The following ANKRD45 variants were observed in gnomAD, a reference collection of about 807,000 sequenced individuals.
ANKRD45 encodes the protein ankyrin repeat domain 45.
Under a neutral mutation model 28.1 loss-of-function variants are expected in ANKRD45, and 21 were observed. The observed-to-expected ratio is 0.75, with a 90% CI of 0.53 to 1.08. The LOEUF is 1.08. Ranked by LOEUF, ANKRD45 falls within the 50% of genes least tolerant of loss-of-function variation. ANKRD45 has a pLI of 0.00. For missense variants in ANKRD45, 261 were observed against 308.7 expected (o/e 0.85, Z 1.16); for synonymous variants, 86 against 103.9 (o/e 0.83, Z 1.05).
At chr1:173,664,523 A>T (rs1669924366) in intron 1 of ANKRD45, among the ~76,000 whole-genome samples, 2 of 152,162 alleles carry the variant, frequency 1.3e-5, no homozygotes, top group Non-Finnish European at 2.9e-5. Context: ...CATCTCCTAC[A>T]TTCCAACTAC....
the ANKRD45 span, among the ~76,000 whole-genome samples, chr1:173,678,632 C>T: frequency 6.6e-6 from 1 of 152,164 alleles, no homozygotes; most frequent in South Asian, 2.1e-4. Context: ...AAACTGGAAG[C>T]ATTCCCTTTG....
chr1:173,670,187 G>C (rs1670208409), upstream of ANKRD45, among the ~76,000 whole-genome samples: 1 of 152,158 alleles, frequency 6.6e-6, no homozygotes, highest in Non-Finnish European at 1.5e-5. Context: ...CTAGTTATTG[G>C]ATATCTTTCT....
At position 173,610,210 on chromosome 1, in the gene ANKRD45, C is replaced by T; in HGVS notation, c.736G>A (p.Val246Met). The T allele has an allele frequency of 6.2e-7, 1 of 1,613,936 alleles. No homozygotes were observed. Among genetic ancestry groups the T allele is most frequent in the Non-Finnish European group, 8.5e-7 (1 of 1,179,824 alleles). The change falls in exon 6 of 6, where the codon GTG becomes ATG. Residue 246 changes from valine (V) to methionine (M), a missense_variant. By Grantham distance (21) the Val-to-Met change is conservative. Coordinates refer to ENST00000333279, the MANE Select transcript of ANKRD45 (RefSeq NM_198493.3). ...IFTKMTTPCQ[V>M]KSAKSVTSHD... ...CTTGTTACAGATTTGGCACTTTTCACTTGACCTGAAAGGAAACAGATTTTA... is the reference window on the plus strand; with the variant it reads ...CTTGTTACAGATTTGGCACTTTTCATTTGACCTGAAAGGAAACAGATTTTA...
chr1:173,623,795 C>T (rs1166826517), intron 5 of ANKRD45, among the ~76,000 whole-genome samples: 1 of 152,026 alleles, frequency 6.6e-6, no homozygotes, highest in Non-Finnish European at 1.5e-5. Flanking sequence ...AGGAACGAGA[C>T]CATGTCCATT....
chr1:173,612,274 AGG>A (rs1211739644), intron 5 of ANKRD45, among the ~76,000 whole-genome samples: 4 of 138,252 alleles, frequency 2.9e-5, no homozygotes, highest in Admixed American at 2.7e-4. Context: ...AAAGAGAGAG[AGG>A]GAGGAAGGAA....
chr1:173,682,543 G>T, the ANKRD45 span, among the ~76,000 whole-genome samples: 1 of 151,972 alleles, frequency 6.6e-6, no homozygotes, highest in Admixed American at 6.6e-5. Context: ...GCAGCAGAGG[G>T]TGCAAGAGAA....
chr1:173,704,555 G>A, the ANKRD45 span, among the ~76,000 whole-genome samples: 2 of 152,114 alleles, frequency 1.3e-5, no homozygotes, highest in African/African-American at 4.8e-5. Context: ...TCAAACATCT[G>A]ATCCACTGAA....
At chr1:173,632,698 A>G (rs1668247503) in intron 3 of ANKRD45, among the ~76,000 whole-genome samples, 1 of 152,148 alleles carries the variant, frequency 6.6e-6, no homozygotes, top group Non-Finnish European at 1.5e-5. Flanking sequence ...CCAAGGATGC[A>G]AGGATGTTTC....
chr1:173,628,930 C>T (rs552538456), intron 3 of ANKRD45, among the ~76,000 whole-genome samples: 23 of 152,228 alleles, frequency 1.5e-4, no homozygotes, highest in African/African-American at 4.6e-4. Context: ...GGCAGCTCAG[C>T]ACAGAGAGAG....
the ANKRD45 span, among the ~76,000 whole-genome samples, chr1:173,682,842 C>T: frequency 6.6e-6 from 1 of 152,146 alleles, no homozygotes; most frequent in Non-Finnish European, 1.5e-5. Flanking sequence ...TTCAGAAGTA[C>T]AGCCATTGCT....
At chr1:173,671,005 A>G (rs1361996329), upstream of ANKRD45, among the ~76,000 whole-genome samples, 1 of 152,182 alleles carries the variant, frequency 6.6e-6, no homozygotes, top group Non-Finnish European at 1.5e-5. Flanking sequence ...CTAGTGTGCA[A>G]GTCCCTACCC....
chr1:173,674,136 A>G (rs189674997), upstream of ANKRD45, among the ~76,000 whole-genome samples: 290 of 152,100 alleles, frequency 1.9e-3, no homozygotes, highest in Middle Eastern at 0.01. Flanking sequence ...CAGCCTCCCA[A>G]ATAGCTGGGA....
chr1:173,610,302 A>G, intron 5 of ANKRD45, 87 bp from the exon 6 acceptor site: 1 of 1,265,566 alleles, frequency 7.9e-7, no homozygotes, highest in Non-Finnish European at 1.1e-6. Context: ...ATAAGAATGG[A>G]ATAAATTAGA....
At chr1:173,648,094 C>A (rs1007929556) in intron 2 of ANKRD45, among the ~76,000 whole-genome samples, 2 of 152,162 alleles carry the variant, frequency 1.3e-5, no homozygotes, top group South Asian at 2.1e-4. Flanking sequence ...CATGCAGCAC[C>A]ACGCCCAGCT....
chr1:173,680,102 T>G, the ANKRD45 span, among the ~76,000 whole-genome samples: 3 of 152,188 alleles, frequency 2.0e-5, no homozygotes, highest in Non-Finnish European at 2.9e-5. Flanking sequence ...GAGTGCAAAT[T>G]AGTTCAACCA....
chr1:173,658,492 T>C (rs995120543), intron 2 of ANKRD45: 1 of 152,248 alleles, frequency 6.6e-6, no homozygotes, highest in Non-Finnish European at 1.5e-5. Flanking sequence ...GCTCAACATA[T>C]GATCAATATT....
the ANKRD45 span, among the ~76,000 whole-genome samples, chr1:173,693,912 A>G: frequency 6.6e-6 from 1 of 152,212 alleles, no homozygotes; most frequent in African/African-American, 2.4e-5. Flanking sequence ...AAATTACTGG[A>G]AGAGCAATCT....
At chr1:173,637,917 C>T (rs1490625120) in intron 3 of ANKRD45, among the ~76,000 whole-genome samples, 1 of 152,104 alleles carries the variant, frequency 6.6e-6, no homozygotes, top group East Asian at 1.9e-4. Context: ...TGTAGCAGCC[C>T]CTGGAGGACA....
intron 3 of ANKRD45, 143 bp downstream of exon 3, chr1:173,646,703 G>A: frequency 2.6e-6 from 2 of 767,732 alleles, no homozygotes; most frequent in Non-Finnish European, 4.1e-6. Flanking sequence ...GAAAGAGGGG[G>A]AAATTTCATG....
Sources: allele counts gnomAD v4.1 joint callset (sites outside exome capture counted in the v4.1 genomes callset), GRCh38; gene constraint gnomAD v4.1.1; transcripts MANE v1.5; gene names NCBI Gene and HGNC (gene_info 2026-07-23, HGNC 2026-07-21).